The following SLC14A2 variants were observed in gnomAD, a reference collection of about 807,000 sequenced individuals.
SLC14A2 encodes the protein solute carrier family 14 member 2.
Under a neutral mutation model 104.6 loss-of-function variants are expected in SLC14A2, and 91 were observed. The observed-to-expected ratio is 0.87, with a 90% CI of 0.73 to 1.04. The LOEUF is 1.04. Ranked by LOEUF, SLC14A2 falls within the 50% of genes least tolerant of loss-of-function variation. The pLI is 0.00. For synonymous variants in SLC14A2, 476 were observed against 466.4 expected (o/e 1.02, Z -0.27); for missense variants, 1,189 against 1,156.0 (o/e 1.03, Z -0.41).
chr18:45,333,241 G>T (rs1468432702), intron 1 of SLC14A2, among the ~76,000 whole-genome samples: 2 of 152,080 alleles, frequency 1.3e-5, no homozygotes, highest in African/African-American at 4.8e-5. Context: ...AAGCAGAGGA[G>T]TCTGGAACCC....
At chr18:45,656,905 G>C (rs935870782) in intron 10 of SLC14A2, among the ~76,000 whole-genome samples, 2 of 152,168 alleles carry the variant, frequency 1.3e-5, no homozygotes, top group Admixed American at 6.5e-5. Flanking sequence ...CTTCTTTCAA[G>C]GTAACAGTGA....
At chr18:45,625,895 A>G (rs1208249958) in intron 3 of SLC14A2, 32 bp downstream of exon 3, 16 of 1,399,516 alleles carry the variant, frequency 1.1e-5, no homozygotes, top group Non-Finnish European at 1.4e-5. Flanking sequence ...AGGCAGCCAG[A>G]CCAGGCCAGG....
chr18:45,231,565 A>G (rs894220246), intron 1 of SLC14A2, among the ~76,000 whole-genome samples: 2 of 151,768 alleles, frequency 1.3e-5, no homozygotes, highest in Admixed American at 1.3e-4. Context: ...GACACTAAAA[A>G]CCCTTCGTTG....
At chr18:45,547,067 G>A (rs2160854) in intron 2 of SLC14A2, among the ~76,000 whole-genome samples, 5,369 of 152,134 alleles carry the variant, frequency 0.035, 313 homozygotes, top group African/African-American at 0.12. Context: ...TTCTGATTAG[G>A]GCATGGGCTA....
At chr18:45,228,097 A>C (rs929117453) in intron 1 of SLC14A2, among the ~76,000 whole-genome samples, 18 of 152,180 alleles carry the variant, frequency 1.2e-4, no homozygotes, top group African/African-American at 4.1e-4. Flanking sequence ...AGAATCTTCC[A>C]TTGATTAAAG....
intron 1 of SLC14A2, among the ~76,000 whole-genome samples, chr18:45,299,365 C>T (rs1003328221): frequency 2.0e-5 from 3 of 152,212 alleles, no homozygotes; most frequent in Admixed American, 1.3e-4. Context: ...GGTTGTCCTT[C>T]GACACAGATT....
the SLC14A2 span, among the ~76,000 whole-genome samples, chr18:45,179,613 C>T: frequency 2.6e-5 from 4 of 152,070 alleles, 1 homozygote; most frequent in South Asian, 4.2e-4. Flanking sequence ...CACTGAATGC[C>T]GAAGGAGAAC....
intron 1 of SLC14A2, among the ~76,000 whole-genome samples, chr18:45,354,350 T>C (rs2085530980): frequency 6.6e-6 from 1 of 152,164 alleles, no homozygotes. Context: ...CCTTGAGAAA[T>C]AGGCAGAGCT....
intron 10 of SLC14A2, among the ~76,000 whole-genome samples, chr18:45,656,762 T>C (rs2144603036): frequency 6.6e-6 from 1 of 152,322 alleles, no homozygotes; most frequent in South Asian, 2.1e-4. Context: ...TTTATGCTAA[T>C]TAACGTCTTC....
At chr18:45,562,796 G>T (rs772881668) in intron 2 of SLC14A2, among the ~76,000 whole-genome samples, 2 of 152,158 alleles carry the variant, frequency 1.3e-5, no homozygotes, top group African/African-American at 4.8e-5. Context: ...ATTCTCCCTG[G>T]GGGGAAGGGG....
At chr18:45,528,127 C>T (rs1458346818) in intron 2 of SLC14A2, 1 of 145,240 alleles carries the variant, frequency 6.9e-6, no homozygotes, top group African/African-American at 2.6e-5. Flanking sequence ...TTTCAGGCCG[C>T]ACTTACTCTT....
intron 2 of SLC14A2, among the ~76,000 whole-genome samples, chr18:45,532,814 G>A (rs2043717195): frequency 6.6e-6 from 1 of 152,172 alleles, no homozygotes; most frequent in Non-Finnish European, 1.5e-5. Context: ...TGTCCATTCA[G>A]TATGATATTG....
At chr18:45,510,998 A>C in intron 2 of SLC14A2, among the ~76,000 whole-genome samples, 1 of 152,198 alleles carries the variant, frequency 6.6e-6, no homozygotes, top group Admixed American at 6.5e-5. Flanking sequence ...AGTCCTCTGC[A>C]GGGCAGAGGC....
chr18:45,429,609 C>A (rs1471299018), intron 1 of SLC14A2, among the ~76,000 whole-genome samples: 2 of 152,182 alleles, frequency 1.3e-5, no homozygotes, highest in Admixed American at 6.5e-5. Flanking sequence ...GCCTCTCCAG[C>A]CTGACCAGTC....
chr18:45,456,493 A>G (rs1053359569), intron 1 of SLC14A2, among the ~76,000 whole-genome samples: 3 of 152,198 alleles, frequency 2.0e-5, no homozygotes, highest in African/African-American at 7.2e-5. Context: ...GCTCCTCAGT[A>G]AGGTGGCTGC....
At chr18:45,343,711 A>C (rs964841090) in intron 1 of SLC14A2, among the ~76,000 whole-genome samples, 1 of 152,154 alleles carries the variant, frequency 6.6e-6, no homozygotes, top group Non-Finnish European at 1.5e-5. Flanking sequence ...GAAGCCTTTG[A>C]AAGGATTCCT....
At chr18:45,498,676 C>A (rs1439099977) in intron 2 of SLC14A2, among the ~76,000 whole-genome samples, 1 of 152,156 alleles carries the variant, frequency 6.6e-6, no homozygotes, top group Non-Finnish European at 1.5e-5. Context: ...CCTAATTAGG[C>A]TCCTTCTCCC....
intron 1 of SLC14A2, among the ~76,000 whole-genome samples, chr18:45,242,773 A>G (rs1225319313): frequency 2.6e-5 from 4 of 152,192 alleles, no homozygotes; most frequent in Admixed American, 6.5e-5. Flanking sequence ...TAGAAACCCT[A>G]TTTTCAAAGA....
chr18:45,598,044 T>A (rs961994078), intron 2 of SLC14A2, among the ~76,000 whole-genome samples: 1 of 151,804 alleles, frequency 6.6e-6, no homozygotes, highest in African/African-American at 2.4e-5. Context: ...CCCAATACAT[T>A]TTGCATTTTA....
Sources: allele counts gnomAD v4.1 joint callset (sites outside exome capture counted in the v4.1 genomes callset), GRCh38; gene constraint gnomAD v4.1.1; transcripts MANE v1.5; gene names NCBI Gene and HGNC (gene_info 2026-07-23, HGNC 2026-07-21).